DRAM2: variants seen among roughly 807,000 people sequenced by gnomAD.
DRAM2 encodes DNA damage regulated autophagy modulator 2.
A neutral mutation model predicts 33.5 loss-of-function variants in DRAM2; 26 were observed. The observed-to-expected ratio is 0.78, with a 90% confidence interval of 0.57 to 1.08. DRAM2 has a LOEUF of 1.08. Among genes scored for constraint, DRAM2 ranks in the 50% least tolerant of loss-of-function variants. The pLI is 0.00. For synonymous variants in DRAM2, 98 were observed against 109.5 expected (o/e 0.89, Z 0.66); for missense variants, 311 against 318.1 (o/e 0.98, Z 0.17).
chr1:111,132,147 C>T (rs895779917), intron 3 of DRAM2, among the ~76,000 whole-genome samples: 1 of 152,056 alleles, frequency 6.6e-6, no homozygotes, highest in African/African-American at 2.4e-5. Context: ...TCCAGGAAGG[C>T]AGAGAGAGAG....
chr1:111,122,836 GTAATT>G (rs1650298209), intron 6 of DRAM2, among the ~76,000 whole-genome samples: 1 of 152,080 alleles, frequency 6.6e-6, no homozygotes, highest in African/African-American at 2.4e-5. Flanking sequence ...AAGAGAAAAA[GTAATT>G]TAGTCAAAAT....
At chr1:111,128,509 G>T (rs1451437283) in intron 4 of DRAM2, among the ~76,000 whole-genome samples, 1 of 152,166 alleles carries the variant, frequency 6.6e-6, no homozygotes, top group Non-Finnish European at 1.5e-5. Flanking sequence ...TAGTCCCTCG[G>T]TATCTGTGGG....
At chr1:111,126,536 T>C (rs544429305) in intron 4 of DRAM2, among the ~76,000 whole-genome samples, 1 of 152,152 alleles carries the variant, frequency 6.6e-6, no homozygotes, top group African/African-American at 2.4e-5. Context: ...AATCAATATA[T>C]ATTGATTTTT....
At chr1:111,138,366 A>G (rs142707698) in intron 2 of DRAM2, among the ~76,000 whole-genome samples, 1 of 152,390 alleles carries the variant, frequency 6.6e-6, no homozygotes, top group African/African-American at 2.4e-5. Context: ...GAAACCTGAA[A>G]GCATTGCTGA....
chr1:111,118,597 A>G (rs1649377039), intron 9 of DRAM2: 2 of 484,806 alleles, frequency 4.1e-6, no homozygotes, highest in African/African-American at 2.0e-5. Context: ...CCCCATTTTC[A>G]AGGCTAAATC....
chr1:111,118,872 G>A lies in DRAM2; in HGVS notation c.626C>T (p.Thr209Ile), dbSNP rs1649434168. The A allele has an allele frequency of 5.0e-6, 8 of 1,609,482 alleles. No homozygotes were observed. The African/African-American group carries it at 6.7e-5, about 13-fold the overall frequency. The part of the protein sequence containing the change: ...DKGYVLHMIT[T>I]AAEWSMSFSF... ...AAATGACATAGACCATTCTGCTGCA[G>A]TAGTGATCATGTGAAGCACATAACC... The change falls in exon 9 of 10, where the codon ACT (threonine) becomes ATT (isoleucine). Residue 209 changes from threonine to isoleucine, a missense_variant. By Grantham distance (89) the Thr-to-Ile change is moderately conservative (BLOSUM62 -1). Transcript: ENST00000484310.
intron 2 of DRAM2, chr1:111,138,986 C>A (rs1046169227): frequency 1.3e-5 from 2 of 152,162 alleles, no homozygotes; most frequent in Non-Finnish European, 2.9e-5. Context: ...TCCAAGTGAA[C>A]GGTCAGAAAG....
At chr1:111,131,619 T>A in intron 3 of DRAM2, 51 bp from the exon 4 acceptor site, 1 of 1,592,100 alleles carries the variant, frequency 6.3e-7, no homozygotes, top group Admixed American at 1.7e-5. Flanking sequence ...AGTTTCCTCA[T>A]CCTACTTTAG....
intron 5 of DRAM2, 62 bp downstream of exon 5, chr1:111,126,165 G>T (rs904287596): frequency 1.9e-6 from 2 of 1,071,408 alleles, no homozygotes; most frequent in Admixed American, 1.7e-5. Context: ...CTCCAGTGTT[G>T]AAAGAAGAAA....
rs1649245057 is a variant in DRAM2, at chr1:111,117,968, T to C, written c.*192A>G. 3.4e-5 allele frequency: 20 copies of C among 593,986 alleles called. No individual in the cohort carries two copies. Among genetic ancestry groups the C allele is most frequent in the Middle Eastern group, 8.9e-4 (2 of 2,238 alleles). 36.8% of individuals were successfully genotyped at this position (593,986 alleles called of 1,614,324 possible). ...GTATAGGCATAGGTGTTTTTAATAGTCTTCTTGATGATATCCTTTAGAATA... is the reference window on the plus strand; with the variant it reads ...GTATAGGCATAGGTGTTTTTAATAGCCTTCTTGATGATATCCTTTAGAATA... On this transcript the variant is annotated 3_prime_UTR_variant, in exon 10 of 10. Transcript: ENST00000484310.
At chr1:111,132,640 A>G (rs1652330193) in intron 3 of DRAM2, among the ~76,000 whole-genome samples, 1 of 151,508 alleles carries the variant, frequency 6.6e-6, no homozygotes, top group Non-Finnish European at 1.5e-5. Context: ...TTGATTATTG[A>G]GTGAGAGAAC....
intron 5 of DRAM2, chr1:111,125,422 G>A (rs1650824884): frequency 6.6e-6 from 1 of 152,362 alleles, no homozygotes; most frequent in African/African-American, 2.4e-5. Context: ...ATTACAACTT[G>A]GCTCAGTAAG....
intron 8 of DRAM2, chr1:111,119,598 T>C: frequency 5.5e-6 from 2 of 363,070 alleles, no homozygotes; most frequent in Non-Finnish European, 1.0e-5. Flanking sequence ...GTTGGCTATA[T>C]TATATACTAT....
intron 9 of DRAM2, chr1:111,118,586 GC>G: frequency 2.1e-6 from 1 of 475,956 alleles, no homozygotes; most frequent in Non-Finnish European, 3.7e-6. Context: ...TTATTTTATA[GC>G]CCCATTTTCA....
intron 1 of DRAM2, 75 bp from the exon 2 acceptor site, chr1:111,139,741 A>G (rs1654145342): frequency 6.6e-6 from 1 of 152,370 alleles, no homozygotes; most frequent in South Asian, 2.1e-4. Context: ...AGTAGGGGAA[A>G]CCAAGGAAGA....
intron 6 of DRAM2, among the ~76,000 whole-genome samples, chr1:111,121,148 C>T (rs1402065743): frequency 6.6e-6 from 1 of 151,934 alleles, no homozygotes; most frequent in Admixed American, 6.6e-5. Flanking sequence ...AAGCATAGTG[C>T]AATAAGAAAA....
chr1:111,138,500 T>C (rs1452617774), intron 2 of DRAM2, among the ~76,000 whole-genome samples: 1 of 152,248 alleles, frequency 6.6e-6, no homozygotes, highest in African/African-American at 2.4e-5. Context: ...AAAATGTTCT[T>C]GCAGGCCGGG....
At chr1:111,134,522 A>T (rs1652756272) in intron 3 of DRAM2, among the ~76,000 whole-genome samples, 1 of 152,302 alleles carries the variant, frequency 6.6e-6, no homozygotes, top group Non-Finnish European at 1.5e-5. Flanking sequence ...TTAACATCCC[A>T]TCAATATCTT....
intron 9 of DRAM2, 140 bp from the exon 10 acceptor site, chr1:111,118,407 GGTATCCT>G: frequency 1.6e-6 from 1 of 617,264 alleles, no homozygotes; most frequent in Non-Finnish European, 2.8e-6. Context: ...TACTGTCAAA[GGTATCCT>G]CTTTGTACCA....
Sources: allele counts gnomAD v4.1 joint callset (sites outside exome capture counted in the v4.1 genomes callset), GRCh38; gene constraint gnomAD v4.1.1; transcripts MANE v1.5; gene names NCBI Gene and HGNC (gene_info 2026-07-23, HGNC 2026-07-21).